The following MSANTD1 variants were observed in gnomAD, a reference collection of about 807,000 sequenced individuals.
MSANTD1 encodes the protein Myb/SANT DNA binding domain containing 1.
MSANTD1 carries 7 observed loss-of-function variants against 24.2 expected under a neutral mutation model. That is an observed-to-expected ratio of 0.29 (90% confidence interval 0.16 to 0.54). The LOEUF is 0.54. Among genes scored for constraint, MSANTD1 ranks in the 20% least tolerant of loss-of-function variants. The probability of loss-of-function intolerance (pLI) is 0.94; values close to 1 mark genes in which losing one functional copy is unlikely to be tolerated. For missense variants in MSANTD1, 384 were observed against 408.2 expected (o/e 0.94, Z 0.51); for synonymous variants, 177 against 181.1 (o/e 0.98, Z 0.18).
At chr4:3,251,910 G>A (rs113464790) in intron 1 of MSANTD1, among the ~76,000 whole-genome samples, 392 of 152,262 alleles carry the variant, frequency 2.6e-3, no homozygotes, top group African/African-American at 8.6e-3. Flanking sequence ...GGCACCCAGC[G>A]CCTGCCCTCA....
At chr4:3,253,620 G>A in intron 2 of MSANTD1, 138 bp downstream of exon 2, 5 of 896,224 alleles carry the variant, frequency 5.6e-6, no homozygotes, top group Non-Finnish European at 7.9e-6. Flanking sequence ...GCGCCTCCAG[G>A]GACAGGCGGC....
intron 1 of MSANTD1, among the ~76,000 whole-genome samples, chr4:3,250,750 C>T (rs1266419740): frequency 6.6e-6 from 1 of 152,156 alleles, no homozygotes; most frequent in Non-Finnish European, 1.5e-5. Context: ...CCGGGTCAGG[C>T]AGGTGAGCCT....
At chr4:3,245,955 C>A (rs949945376), upstream of MSANTD1, among the ~76,000 whole-genome samples, 1 of 152,178 alleles carries the variant, frequency 6.6e-6, no homozygotes. Context: ...TCTGGGTTCC[C>A]CTTGTGTGCA....
At position 3,250,381 on chromosome 4, in the gene MSANTD1, C is replaced by T. The variant is rs555032918; in HGVS notation, c.320+839C>T. 1.8e-3 allele frequency among the ~76,000 whole-genome samples: 267 copies of T among 152,312 alleles called. 2 individuals are homozygous for T. The highest frequency in any genetic ancestry group is 7.7e-3 in the South Asian group (37 of 4,826). On this transcript the variant is annotated intron_variant, in intron 1 of 2. Transcript: ENST00000438480. Reference sequence around the variant, plus strand: ...CTAGGAGGGGACAGGTGTGGTCCCACACACCCAGCATCTTAAAGTGCGTGG... The same window carrying T: ...CTAGGAGGGGACAGGTGTGGTCCCATACACCCAGCATCTTAAAGTGCGTGG...
chr4:3,244,810 CTG>C (rs1195927743), upstream of MSANTD1: 1 of 152,340 alleles, frequency 6.6e-6, no homozygotes, highest in East Asian at 1.9e-4. Flanking sequence ...GCTCTGCTGT[CTG>C]TGCCAGGAGA....
At chr4:3,250,054 G>A (rs547041825) in intron 1 of MSANTD1, among the ~76,000 whole-genome samples, 55 of 152,326 alleles carry the variant, frequency 3.6e-4, no homozygotes, top group African/African-American at 1.2e-3. Flanking sequence ...AGTGCTCTGC[G>A]ACTTGGAGCA....
upstream of MSANTD1, chr4:3,245,286 C>G (rs1354633544): frequency 1.3e-5 from 2 of 152,444 alleles, no homozygotes; most frequent in African/African-American, 4.8e-5. Flanking sequence ...CACACCCTGT[C>G]CCCTTGCCGA....
In MSANTD1 at chr4:3,249,660, G is replaced by A. The variant is rs560738063; in HGVS notation, c.320+118G>A. On this transcript the variant is annotated intron_variant, in intron 1 of 2. Coordinates refer to ENST00000438480, the MANE Select transcript of MSANTD1 (RefSeq NM_001042690.2). Reference sequence around the variant, plus strand: ...ATGTGTGGGTCGTGGCCTGCCTGTCGGTCTCCTCTGGCCGGGTATGGGCAG... The same window carrying A: ...ATGTGTGGGTCGTGGCCTGCCTGTCAGTCTCCTCTGGCCGGGTATGGGCAG... 1,123 of 1,019,900 alleles carry A rather than the reference G, an allele frequency of 1.1e-3. 11 individuals are homozygous for A. The South Asian group carries it at 0.013, about 12-fold the overall frequency. 63.2% of individuals were successfully genotyped at this position (1,019,900 alleles called of 1,614,324 possible). A position where few individuals can be genotyped will look rare whatever the true frequency, so the allele number is the denominator to read the frequency against.
chr4:3,251,707 T>C (rs1303562494), intron 1 of MSANTD1, among the ~76,000 whole-genome samples: 3 of 151,146 alleles, frequency 2.0e-5, no homozygotes, highest in Non-Finnish European at 4.4e-5. Flanking sequence ...TTTTTTTTTT[T>C]ACAAGAACTC....
intron 1 of MSANTD1, among the ~76,000 whole-genome samples, chr4:3,249,940 G>A (rs575526896): frequency 1.3e-5 from 2 of 152,314 alleles, no homozygotes; most frequent in African/African-American, 4.8e-5. Flanking sequence ...GGGAGGCGGC[G>A]GCTGCCAGTG....
At chr4:3,249,868 G>A (rs991343934) in intron 1 of MSANTD1, among the ~76,000 whole-genome samples, 1 of 152,166 alleles carries the variant, frequency 6.6e-6, no homozygotes, top group Non-Finnish European at 1.5e-5. Flanking sequence ...TCTGGGCACT[G>A]TCCCTCGGAG....
chr4:3,249,663 C>G (rs1055527176), intron 1 of MSANTD1, 121 bp downstream of exon 1: 1 of 1,000,464 alleles, frequency 1.0e-6, no homozygotes. Context: ...GCCTGTCGGT[C>G]TCCTCTGGCC....
chr4:3,245,266 C>T (rs1367491371), upstream of MSANTD1: 1 of 152,444 alleles, frequency 6.6e-6, no homozygotes, highest in Non-Finnish European at 1.5e-5. Flanking sequence ...TCCTCTTCCT[C>T]ATCGGAGAGC....
At chr4:3,253,614 C>T in intron 2 of MSANTD1, 132 bp downstream of exon 2, 2 of 965,226 alleles carry the variant, frequency 2.1e-6, no homozygotes, top group South Asian at 5.0e-5. Context: ...CGGGCAGCGC[C>T]TCCAGGGACA....
chr4:3,245,983 T>G (rs1016055816), upstream of MSANTD1, among the ~76,000 whole-genome samples: 1 of 152,154 alleles, frequency 6.6e-6, no homozygotes, highest in African/African-American at 2.4e-5. Flanking sequence ...CTGCCCTCCA[T>G]GCTTGGTCAG....
At chr4:3,247,112 G>A (rs1019458498), upstream of MSANTD1, among the ~76,000 whole-genome samples, 2 of 152,190 alleles carry the variant, frequency 1.3e-5, no homozygotes, top group East Asian at 3.8e-4. Flanking sequence ...GCTCCAAGGT[G>A]GATTTGTGGA....
chr4:3,245,631 G>A (rs1265766383), upstream of MSANTD1, among the ~76,000 whole-genome samples: 1 of 152,230 alleles, frequency 6.6e-6, no homozygotes, highest in African/African-American at 2.4e-5. Context: ...AGTGTCTGTG[G>A]GTAGAGGTGG....
At chr4:3,254,026 G>A (rs559799859) in intron 2 of MSANTD1, among the ~76,000 whole-genome samples, 31 of 152,348 alleles carry the variant, frequency 2.0e-4, no homozygotes, top group Admixed American at 4.6e-4. Context: ...TGCTGGCCAC[G>A]TGACTGTGCC....
rs749510832 is a variant in MSANTD1, at chr4:3,255,976, G to T, written c.*11G>T. 140 of 1,498,270 alleles carry T rather than the reference G, an allele frequency of 9.3e-5. No individual in the cohort carries two copies. Among genetic ancestry groups the T allele is most frequent in the Non-Finnish European group, 1.2e-4 (140 of 1,124,050 alleles). 92.8% of individuals were successfully genotyped at this position (1,498,270 alleles called of 1,614,324 possible). On this transcript the variant is annotated 3_prime_UTR_variant, in exon 3 of 3. Coordinates refer to ENST00000438480, the MANE Select transcript of MSANTD1 (RefSeq NM_001042690.2). ...AAGTCCAGCGTCTAGGCCAGCAGGCGGCGGCGGCGGCGGGGCCGGGCGGCT... is the reference window on the plus strand; with the variant it reads ...AAGTCCAGCGTCTAGGCCAGCAGGCTGCGGCGGCGGCGGGGCCGGGCGGCT...
Sources: gnomAD v4.1 joint callset for allele counts (sites outside exome capture counted in the v4.1 genomes callset) on GRCh38, gnomAD v4.1.1 for gene constraint, MANE v1.5 for transcripts, NCBI Gene and HGNC (gene_info 2026-07-23, HGNC 2026-07-21) for gene names.